The following NELL1 variants were observed in gnomAD, a reference collection of about 807,000 sequenced individuals.
NELL1 encodes the protein neural EGFL like 1, also known as protein kinase C-binding protein NELL1.
NELL1 carries 76 observed loss-of-function variants against 107.4 expected under a neutral mutation model. The observed-to-expected ratio is 0.71, with a 90% CI of 0.59 to 0.86. The LOEUF (loss-of-function observed/expected upper bound fraction) is 0.86, where lower values mean the gene tolerates loss of function less well. Among genes scored for constraint, NELL1 ranks in the 40% least tolerant of loss-of-function variants. NELL1 has a pLI of 0.00. For missense variants in NELL1, 1,024 were observed against 1,005.5 expected (o/e 1.02, Z -0.25); for synonymous variants, 353 against 341.2 (o/e 1.03, Z -0.38).
At chr11:21,005,572 G>A (rs1274258711) in intron 12 of NELL1, among the ~76,000 whole-genome samples, 1 of 152,164 alleles carries the variant, frequency 6.6e-6, no homozygotes, top group African/African-American at 2.4e-5. Flanking sequence ...TGGGTAGCAT[G>A]TATTTCCAAT....
chr11:20,882,632 C>G (rs1425505942), intron 4 of NELL1, among the ~76,000 whole-genome samples: 1 of 152,144 alleles, frequency 6.6e-6, no homozygotes, highest in African/African-American at 2.4e-5. Context: ...TACTTCAGTG[C>G]CTATTTCCTA....
chr11:21,392,074 G>T (rs528837985), intron 15 of NELL1, among the ~76,000 whole-genome samples: 58 of 151,858 alleles, frequency 3.8e-4, no homozygotes, highest in Admixed American at 6.6e-4. Flanking sequence ...ACAAAAGATT[G>T]TAAAATTCAG....
intron 14 of NELL1, among the ~76,000 whole-genome samples, chr11:21,297,123 C>T (rs1032709113): frequency 1.3e-5 from 2 of 151,548 alleles, no homozygotes; most frequent in Non-Finnish European, 2.9e-5. Flanking sequence ...GAAAAGGGAT[C>T]AAAGGAGATT....
At chr11:21,464,290 A>C (rs1194662001) in intron 15 of NELL1, among the ~76,000 whole-genome samples, 2 of 152,076 alleles carry the variant, frequency 1.3e-5, no homozygotes, top group Non-Finnish European at 2.9e-5. Flanking sequence ...CACATTTCAC[A>C]AAGTAATTAA....
chr11:20,913,326 T>C (rs2134151165), intron 5 of NELL1, among the ~76,000 whole-genome samples: 1 of 152,222 alleles, frequency 6.6e-6, no homozygotes, highest in East Asian at 1.9e-4. Context: ...TAAACAGAGA[T>C]CTGCAGGGAA....
At chr11:20,861,351 C>T (rs913548465) in intron 4 of NELL1, among the ~76,000 whole-genome samples, 3 of 152,264 alleles carry the variant, frequency 2.0e-5, no homozygotes, top group Non-Finnish European at 2.9e-5. Context: ...TGATCTGCAG[C>T]GGGAACATAT....
chr11:21,238,851 T>C (rs1267573047), intron 14 of NELL1, among the ~76,000 whole-genome samples: 1 of 152,084 alleles, frequency 6.6e-6, no homozygotes, highest in Non-Finnish European at 1.5e-5. Context: ...GTTTACTAGC[T>C]ATGTGACTTC....
At position 21,297,038 on chromosome 11, in the gene NELL1, T is replaced by A. The variant is rs1012327931; in HGVS notation, c.1549+67584T>A. Among the ~76,000 whole-genome samples, 104 of 151,592 alleles carry A rather than the reference T, an allele frequency of 6.9e-4. 1 individual carries two copies. The highest frequency in any genetic ancestry group is 1.9e-3 in the African/African-American group (77 of 41,480). On this transcript the variant is annotated intron_variant, in intron 14 of 19. Coordinates refer to ENST00000357134, the MANE Select transcript of NELL1 (RefSeq NM_006157.5). ...AGATGTTGTCATTAATTTAAAAAAATAATTATTTTAATTATATTTGGAATT... is the reference window on the plus strand; with the variant it reads ...AGATGTTGTCATTAATTTAAAAAAAAAATTATTTTAATTATATTTGGAATT...
At chr11:21,085,324 G>A (rs371116064) in intron 12 of NELL1, among the ~76,000 whole-genome samples, 2 of 152,086 alleles carry the variant, frequency 1.3e-5, no homozygotes, top group Admixed American at 6.5e-5. Context: ...GACATAAAAG[G>A]GACTAGCTTT....
chr11:20,701,218 G>T (rs565268322), intron 2 of NELL1, among the ~76,000 whole-genome samples: 1 of 152,206 alleles, frequency 6.6e-6, no homozygotes, highest in Admixed American at 6.5e-5. Context: ...GTGTGAGATG[G>T]TATCTCATTG....
At chr11:20,756,103 ATC>A (rs1345191554) in intron 2 of NELL1, among the ~76,000 whole-genome samples, 5 of 147,598 alleles carry the variant, frequency 3.4e-5, no homozygotes, top group Non-Finnish European at 7.4e-5. Context: ...CGTGGTCTCG[ATC>A]TCCTGACCTC....
chr11:20,972,845 G>T (rs1851528066), intron 12 of NELL1, among the ~76,000 whole-genome samples: 1 of 152,190 alleles, frequency 6.6e-6, no homozygotes, highest in African/African-American at 2.4e-5. Context: ...GACATCAGTT[G>T]TTAGTCTGCT....
At chr11:21,359,122 A>G (rs1209760742) in intron 14 of NELL1, among the ~76,000 whole-genome samples, 1 of 152,076 alleles carries the variant, frequency 6.6e-6, no homozygotes, top group Non-Finnish European at 1.5e-5. Flanking sequence ...TTTGTCATAG[A>G]TTGATTTTTT....
chr11:20,692,263 GT>G (rs750911012), intron 2 of NELL1, among the ~76,000 whole-genome samples: 13 of 149,656 alleles, frequency 8.7e-5, no homozygotes, highest in African/African-American at 1.7e-4. Context: ...TTTTTGAAGG[GT>G]TTTTTTTTGT....
chr11:21,389,312 T>A (rs2133780144), intron 15 of NELL1, among the ~76,000 whole-genome samples: 1 of 151,968 alleles, frequency 6.6e-6, no homozygotes, highest in South Asian at 2.1e-4. Flanking sequence ...GTTTTCTAAG[T>A]TATTAAATAT....
intron 14 of NELL1, among the ~76,000 whole-genome samples, chr11:21,289,003 A>G (rs765472696): frequency 2.9e-4 from 44 of 152,230 alleles, no homozygotes; most frequent in Non-Finnish European, 5.3e-4. Flanking sequence ...AGGCTCAGAC[A>G]TGAAAGTTGC....
intron 12 of NELL1, among the ~76,000 whole-genome samples, chr11:21,099,350 C>T (rs79414401): frequency 0.016 from 2,455 of 152,068 alleles, 62 homozygotes; most frequent in African/African-American, 0.056. Flanking sequence ...GGCAGCAGCC[C>T]TGGGGTTGTC....
rs140008009 is a variant in NELL1 at position 21,070,644 on chromosome 11, A to C, written c.1301-42945A>C. ...CTTTTTCTTAATTTTGGCACCTGCT[A>C]TTTCTTGCCTTTTCCAGAGTCTTGT... On this transcript the variant is annotated intron_variant, in intron 12 of 19. Transcript: ENST00000357134. Among the ~76,000 whole-genome samples, 295 of 152,226 alleles carry C rather than the reference A, an allele frequency of 1.9e-3. 3 individuals are homozygous for C. The South Asian group carries it at 0.022, about 11-fold the overall frequency.
chr11:21,334,707 T>C (rs1440556558), intron 14 of NELL1, among the ~76,000 whole-genome samples: 1 of 151,960 alleles, frequency 6.6e-6, no homozygotes, highest in Non-Finnish European at 1.5e-5. Flanking sequence ...TTCTGAGAAT[T>C]TTAACCATTT....
Sources: allele counts gnomAD v4.1 joint callset (sites outside exome capture counted in the v4.1 genomes callset), GRCh38; gene constraint gnomAD v4.1.1; transcripts MANE v1.5; gene names NCBI Gene and HGNC (gene_info 2026-07-23, HGNC 2026-07-21).